Variants in CDH12 observed in about 807,000 individuals in gnomAD.
The protein encoded by CDH12 is cadherin 12, also known as cadherin-12.
CDH12 carries 41 observed loss-of-function variants against 74.1 expected under a neutral mutation model. The ratio of observed to expected loss-of-function variants is 0.55; its 90% CI spans 0.43 to 0.72. The LOEUF (loss-of-function observed/expected upper bound fraction) is 0.72, where lower values mean the gene tolerates loss of function less well. Among genes scored for constraint, CDH12 ranks in the 30% least tolerant of loss-of-function variants. The pLI is 0.00. For synonymous variants in CDH12, 399 were observed against 355.0 expected, an observed-to-expected ratio of 1.12 and a Z score of -1.39; for missense variants, 945 against 977.2, an observed-to-expected ratio of 0.97 and a Z score of 0.44.
chr5:21,774,382 C>T (rs543697546), intron 11 of CDH12: 5 of 152,248 alleles, frequency 3.3e-5, no homozygotes, highest in South Asian at 2.1e-4. Flanking sequence ...CAGGGACTCT[C>T]GGTCCTTCTG....
At position 22,751,309 on chromosome 5, in the gene CDH12, T is replaced by C. The variant is rs1258182735; in HGVS notation, c.-523+101749A>G. ...ACATAGAAATTATCAAAAATAGAAT[T>C]ATTAAACTGTGATATATATATATAA... On this transcript the variant is annotated intron_variant, in intron 1 of 14. Transcript: ENST00000382254. Among the ~76,000 whole-genome samples, 4 of 141,540 alleles carry C rather than the reference T, an allele frequency of 2.8e-5. No individual in the cohort carries two copies. The East Asian group carries it at 8.2e-4, about 29-fold the overall frequency. The allele number at this position is 141,540 out of a possible 152,430, so 92.9% of individuals were successfully genotyped here. A position where few individuals can be genotyped will look rare whatever the true frequency, so the allele number is the denominator to read the frequency against.
intron 6 of CDH12, among the ~76,000 whole-genome samples, chr5:21,941,181 A>G (rs1022045273): frequency 2.0e-5 from 3 of 152,146 alleles, no homozygotes; most frequent in African/African-American, 7.2e-5. Flanking sequence ...AAGACTATCT[A>G]TAGGTAAAAA....
intron 2 of CDH12, among the ~76,000 whole-genome samples, chr5:22,413,774 T>C (rs181536565): frequency 3.3e-5 from 5 of 152,142 alleles, no homozygotes; most frequent in African/African-American, 1.2e-4. Context: ...CTATTTTATT[T>C]ACTTTTTTTC....
At chr5:21,992,567 G>A (rs1031319051) in intron 5 of CDH12, among the ~76,000 whole-genome samples, 2 of 151,932 alleles carry the variant, frequency 1.3e-5, no homozygotes, top group African/African-American at 4.8e-5. Flanking sequence ...GTGCATACGT[G>A]TTCGTAGAAC....
chr5:22,528,225 A>G (rs1737377348), intron 1 of CDH12, among the ~76,000 whole-genome samples: 1 of 152,162 alleles, frequency 6.6e-6, no homozygotes, highest in Admixed American at 6.5e-5. Flanking sequence ...TCCTTAGCCA[A>G]TTCAGGATTA....
chr5:21,762,687 GA>G (rs777611428), intron 12 of CDH12, among the ~76,000 whole-genome samples: 1 of 151,866 alleles, frequency 6.6e-6, no homozygotes, highest in Non-Finnish European at 1.5e-5. Context: ...ATTCAGATAT[GA>G]AAAAATAACA....
chr5:22,464,964 A>G lies in CDH12; in HGVS notation c.-428+40306T>C, dbSNP rs531935502. Among the ~76,000 whole-genome samples, 5 of 148,390 alleles carry G rather than the reference A, an allele frequency of 3.4e-5. 1 individual carries two copies. In the East Asian group the frequency reaches 8.3e-4, roughly 25 times the overall value. Reference sequence around the variant, plus strand: ...CTGCAGTGAGCCGAGATTGCACCAGAAAGTCCAGCCTGGGTGAAAGAGTGA... The same window carrying G: ...CTGCAGTGAGCCGAGATTGCACCAGGAAGTCCAGCCTGGGTGAAAGAGTGA... On this transcript the variant is annotated intron_variant, in intron 2 of 14. Transcript: ENST00000382254.
At chr5:22,020,520 C>A (rs900463956) in intron 5 of CDH12, among the ~76,000 whole-genome samples, 1 of 149,466 alleles carries the variant, frequency 6.7e-6, no homozygotes, top group Non-Finnish European at 1.5e-5. Flanking sequence ...TGCCACTGCA[C>A]TACAGCCTGG....
rs146645605 is a variant in CDH12 at position 21,896,168 on chromosome 5, C to A, written c.527-41378G>T. The stretch of plus-strand genomic sequence containing the variant: ...CAGCTGGAATGACAGCCAGCTTAAT[C>A]AAATAGAATTCATTCCAAAAAAGAA... On this transcript the variant is annotated intron_variant, in intron 6 of 14. Coordinates refer to ENST00000382254, the MANE Select transcript of CDH12 (RefSeq NM_004061.5). Among the ~76,000 whole-genome samples the A allele has an allele frequency of 5.6e-3, 853 of 152,204 alleles. 8 individuals are homozygous for A. Among genetic ancestry groups the A allele is most frequent in the African/African-American group, 0.019 (808 of 41,520 alleles).
intron 1 of CDH12, among the ~76,000 whole-genome samples, chr5:22,812,490 C>G (rs1561049048): frequency 6.6e-6 from 1 of 152,088 alleles, no homozygotes; most frequent in South Asian, 2.1e-4. Context: ...AGTACAGGGT[C>G]CCTTTTGAGG....
intron 1 of CDH12, among the ~76,000 whole-genome samples, chr5:22,664,767 G>T (rs1740526538): frequency 6.6e-6 from 1 of 152,068 alleles, no homozygotes; most frequent in Non-Finnish European, 1.5e-5. Flanking sequence ...TAAGTAATTT[G>T]TCCAAGGTTA....
chr5:22,798,288 T>C (rs185657208), intron 1 of CDH12, among the ~76,000 whole-genome samples: 41 of 152,272 alleles, frequency 2.7e-4, no homozygotes, highest in Admixed American at 2.6e-3. Context: ...TTTGATAAAA[T>C]GTCATTGGTA....
At chr5:22,258,010 G>A (rs1285449566) in intron 3 of CDH12, among the ~76,000 whole-genome samples, 2 of 152,014 alleles carry the variant, frequency 1.3e-5, no homozygotes, top group Non-Finnish European at 2.9e-5. Context: ...ATTAAGTAAA[G>A]AAAAATATTC....
intron 1 of CDH12, among the ~76,000 whole-genome samples, chr5:22,791,577 T>C (rs1011773806): frequency 1.2e-4 from 18 of 152,216 alleles, no homozygotes; most frequent in African/African-American, 4.3e-4. Context: ...TGTTCCATAG[T>C]AACTGTATTA....
chr5:22,431,929 T>G (rs1744188626), intron 2 of CDH12, among the ~76,000 whole-genome samples: 1 of 152,146 alleles, frequency 6.6e-6, no homozygotes, highest in Non-Finnish European at 1.5e-5. Context: ...TAAGCTTACA[T>G]CAATTTATTG....
chr5:22,163,279 C>T (rs538139609), intron 4 of CDH12, among the ~76,000 whole-genome samples: 1 of 152,262 alleles, frequency 6.6e-6, no homozygotes, highest in South Asian at 2.1e-4. Flanking sequence ...AATGTCAGGA[C>T]TTTCAATATC....
rs555323174 is a variant in CDH12 at position 22,179,369 on chromosome 5, G to A, written c.-187+33129C>T. 4.6e-4 allele frequency among the ~76,000 whole-genome samples: 70 copies of A among 152,208 alleles called. No homozygotes were observed. The South Asian group carries it at 0.013, about 29-fold the overall frequency. On this transcript the variant is annotated intron_variant, in intron 4 of 14. Transcript: ENST00000382254. ...GTTAATTGCTTTCATCCAATAAGAG[G>A]AGATTTAGTACTATAAATAGAAAAT...
chr5:22,233,878 C>T (rs1370468596), intron 3 of CDH12, among the ~76,000 whole-genome samples: 1 of 152,100 alleles, frequency 6.6e-6, no homozygotes, highest in Non-Finnish European at 1.5e-5. Flanking sequence ...CCTTGACGTG[C>T]CACCCAAGTG....
intron 1 of CDH12, among the ~76,000 whole-genome samples, chr5:22,765,756 C>T (rs942589528): frequency 6.6e-6 from 1 of 151,472 alleles, no homozygotes; most frequent in Non-Finnish European, 1.5e-5. Flanking sequence ...AGTAAATTTA[C>T]AAAATTTAGA....
Sources: gnomAD v4.1 joint callset for allele counts (sites outside exome capture counted in the v4.1 genomes callset) on GRCh38, gnomAD v4.1.1 for gene constraint, MANE v1.5 for transcripts, NCBI Gene and HGNC (gene_info 2026-07-23, HGNC 2026-07-21) for gene names.